The following CCDC141 variants were observed in gnomAD, a reference collection of about 807,000 sequenced individuals.
The protein encoded by CCDC141 is coiled-coil domain-containing protein 141.
Under a neutral mutation model 181.0 loss-of-function variants are expected in CCDC141, and 168 were observed. The observed-to-expected ratio is 0.93, with a 90% CI of 0.82 to 1.05. The LOEUF (loss-of-function observed/expected upper bound fraction) is 1.05. Ranked by LOEUF, CCDC141 falls within the 50% of genes least tolerant of loss-of-function variation. The pLI is 0.00. For synonymous variants in CCDC141, 666 were observed against 642.3 expected (o/e 1.04, Z -0.56); for missense variants, 1,902 against 1,788.5 (o/e 1.06, Z -1.14).
At chr2:178,855,785 CT>C (rs898195389) in intron 18 of CCDC141, among the ~76,000 whole-genome samples, 6 of 152,210 alleles carry the variant, frequency 3.9e-5, no homozygotes, top group Admixed American at 1.3e-4. Flanking sequence ...GTAATATGAT[CT>C]TTTTTAAAGA....
intron 17 of CCDC141, among the ~76,000 whole-genome samples, chr2:178,865,382 G>A (rs1213567463): frequency 6.6e-6 from 1 of 152,166 alleles, no homozygotes; most frequent in Non-Finnish European, 1.5e-5. Context: ...CAACGAACTG[G>A]TCAATGTCAC....
intron 3 of CCDC141, among the ~76,000 whole-genome samples, chr2:178,977,773 C>A (rs1048835836): frequency 3.9e-5 from 6 of 152,174 alleles, no homozygotes; most frequent in Admixed American, 2.0e-4. Context: ...TGCCACCTGA[C>A]ACAGAAGTTA....
At chr2:178,815,492 C>G in the CCDC141 span, among the ~76,000 whole-genome samples, 1 of 152,170 alleles carries the variant, frequency 6.6e-6, no homozygotes, top group African/African-American at 2.4e-5. Context: ...GAACACTTAT[C>G]ATCTGTAATG....
At chr2:179,045,472 T>C (rs1384782477) in intron 2 of CCDC141, among the ~76,000 whole-genome samples, 1 of 152,166 alleles carries the variant, frequency 6.6e-6, no homozygotes, top group East Asian at 1.9e-4. Context: ...GCAATAAACA[T>C]ACGTGTGCAT....
At chr2:178,881,243 T>C (rs1473960357) in intron 11 of CCDC141, among the ~76,000 whole-genome samples, 1 of 152,176 alleles carries the variant, frequency 6.6e-6, no homozygotes, top group Admixed American at 6.5e-5. Flanking sequence ...AGTCAGTACT[T>C]GCCTGAGGCT....
intron 5 of CCDC141, among the ~76,000 whole-genome samples, 153 bp downstream of exon 5, chr2:178,961,077 G>A (rs1690375130): frequency 6.7e-6 from 1 of 150,320 alleles, no homozygotes; most frequent in South Asian, 2.1e-4. Flanking sequence ...TACTTACAGG[G>A]AAAAACAACA....
rs140858963 is a variant in CCDC141, at chr2:178,853,946, A to G, written c.3061-322T>C. Among the ~76,000 whole-genome samples, 307 of 152,362 alleles carry G rather than the reference A, an allele frequency of 2.0e-3. 6 individuals are homozygous for G. The South Asian group carries it at 0.021, about 10-fold the overall frequency. ...CTAAGAGGAATGTTGCAGACTTATA[A>G]GAACAGGCAGGATAAAAAGCATCTG... is the stretch of plus-strand genomic sequence containing the variant. On this transcript the variant is annotated intron_variant, in intron 19 of 23. Transcript: ENST00000443758.
At chr2:178,948,572 C>G (rs1003220518) in intron 5 of CCDC141, among the ~76,000 whole-genome samples, 1 of 152,158 alleles carries the variant, frequency 6.6e-6, no homozygotes, top group African/African-American at 2.4e-5. Flanking sequence ...TGTGTCCCCT[C>G]TAAACCCTAT....
chr2:178,989,894 C>T (rs1426275695), intron 2 of CCDC141, among the ~76,000 whole-genome samples: 5 of 143,144 alleles, frequency 3.5e-5, no homozygotes, highest in African/African-American at 1.3e-4. Flanking sequence ...AATCCCAGCA[C>T]TTTGGGAGGC....
the CCDC141 span, among the ~76,000 whole-genome samples, chr2:178,821,931 C>T: frequency 6.6e-6 from 1 of 152,158 alleles, no homozygotes; most frequent in Non-Finnish European, 1.5e-5. Flanking sequence ...GACTATAAAT[C>T]ATGCTGCTAT....
chr2:178,934,579 A>G (rs1689215119), intron 6 of CCDC141, among the ~76,000 whole-genome samples: 1 of 152,252 alleles, frequency 6.6e-6, no homozygotes, highest in South Asian at 2.1e-4. Context: ...GTATTTAAAA[A>G]TCCTTTAGTT....
chr2:178,899,580 T>A (rs1687585006), intron 8 of CCDC141, among the ~76,000 whole-genome samples: 1 of 152,196 alleles, frequency 6.6e-6, no homozygotes. Context: ...GCACTCAGAA[T>A]GTATGAACTA....
chr2:178,857,125 T>C (rs1685421831), intron 17 of CCDC141, among the ~76,000 whole-genome samples: 1 of 152,194 alleles, frequency 6.6e-6, no homozygotes, highest in South Asian at 2.1e-4. Context: ...TTTTTTCCCA[T>C]TCATTCTGTT....
chr2:178,971,229 A>G (rs1344705498), intron 4 of CCDC141, among the ~76,000 whole-genome samples: 5 of 152,154 alleles, frequency 3.3e-5, no homozygotes, highest in Admixed American at 3.3e-4. Flanking sequence ...AATTTATAAG[A>G]AAAAAACAAC....
At chr2:178,927,854 A>T (rs1013613837) in intron 6 of CCDC141, among the ~76,000 whole-genome samples, 1 of 152,204 alleles carries the variant, frequency 6.6e-6, no homozygotes, top group African/African-American at 2.4e-5. Flanking sequence ...AGAGACAAAA[A>T]GTCTGGGCAC....
chr2:179,015,115 AATCATATATATATATCAT>A (rs2042422182), intron 2 of CCDC141, among the ~76,000 whole-genome samples: 1 of 24,966 alleles, frequency 4.0e-5, no homozygotes, highest in African/African-American at 8.7e-5. Flanking sequence ...ATATATATAT[AATCATATATATATATCAT>A]ATCATATATA....
At chr2:178,930,202 T>C (rs541964048) in intron 6 of CCDC141, among the ~76,000 whole-genome samples, 17 of 152,250 alleles carry the variant, frequency 1.1e-4, no homozygotes, top group Admixed American at 7.2e-4. Flanking sequence ...GAAAATGATT[T>C]CATTCATGGT....
At chr2:179,015,765 CAT>C (rs1282908348) in intron 2 of CCDC141, among the ~76,000 whole-genome samples, 2 of 135,564 alleles carry the variant, frequency 1.5e-5, no homozygotes, top group East Asian at 2.1e-4. Context: ...TCATATATAT[CAT>C]ATATATCTCA....
At chr2:178,906,846 G>A (rs1687994753) in intron 7 of CCDC141, among the ~76,000 whole-genome samples, 2 of 152,184 alleles carry the variant, frequency 1.3e-5, no homozygotes, top group Admixed American at 6.5e-5. Flanking sequence ...AAATGTAGAG[G>A]CTATGGTCAT....
Sources: allele counts gnomAD v4.1 joint callset (sites outside exome capture counted in the v4.1 genomes callset), GRCh38; gene constraint gnomAD v4.1.1; transcripts MANE v1.5; gene names NCBI Gene and HGNC (gene_info 2026-07-23, HGNC 2026-07-21).